Variants in SUSD4 observed in about 807,000 individuals in gnomAD.
The protein encoded by SUSD4 is sushi domain containing 4.
Under a neutral mutation model 50.5 loss-of-function variants are expected in SUSD4, and 41 were observed. The ratio of observed to expected loss-of-function variants is 0.81; its 90% CI spans 0.63 to 1.05. The LOEUF (loss-of-function observed/expected upper bound fraction) is 1.05. Ranked by LOEUF, SUSD4 falls within the 50% of genes least tolerant of loss-of-function variation. The pLI, the probability that SUSD4 is intolerant of heterozygous loss-of-function variation, is 0.00. For synonymous variants in SUSD4, 257 were observed against 257.3 expected, an observed-to-expected ratio of 1.00 and a Z score of 0.01; for missense variants, 580 against 634.7, an observed-to-expected ratio of 0.91 and a Z score of 0.93.
intron 5 of SUSD4, among the ~76,000 whole-genome samples, chr1:223,245,482 G>T (rs1660858218): frequency 6.6e-6 from 1 of 152,064 alleles, no homozygotes; most frequent in African/African-American, 2.4e-5. Flanking sequence ...GTGAAGAGAG[G>T]CCGATGGTGG....
Position 223,363,269 on chromosome 1 carries a change from G to T in SUSD4, c.148+9C>A. 1 of 1,578,010 alleles carries T rather than the reference G, an allele frequency of 6.3e-7. No homozygotes were observed. Among genetic ancestry groups the T allele is most frequent in the Non-Finnish European group, 8.6e-7 (1 of 1,159,866 alleles). On this transcript the variant is annotated intron_variant, in intron 2 of 8. Coordinates refer to ENST00000366878, the MANE Select transcript of SUSD4 (RefSeq NM_017982.4). ...CCCCAGGCCCTCCCACCACAGCTGGGTCACTCACCGCCCGTGAGCTGTGCA... is the reference window on the plus strand; with the variant it reads ...CCCCAGGCCCTCCCACCACAGCTGGTTCACTCACCGCCCGTGAGCTGTGCA...
At chr1:223,344,526 G>T (rs1303260239) in intron 2 of SUSD4, among the ~76,000 whole-genome samples, 3 of 152,092 alleles carry the variant, frequency 2.0e-5, no homozygotes, top group Non-Finnish European at 4.4e-5. Context: ...TTAATGCACT[G>T]AAGGAATTGC....
intron 5 of SUSD4, among the ~76,000 whole-genome samples, chr1:223,252,923 T>C (rs915474129): frequency 2.6e-5 from 4 of 151,818 alleles, no homozygotes; most frequent in African/African-American, 9.7e-5. Context: ...AAAAACCCCA[T>C]CTCTATTAAA....
At position 223,220,918 on chromosome 1, in the gene SUSD4, T is replaced by C; in HGVS notation, c.*1274A>G. The stretch of plus-strand genomic sequence containing the variant: ...CCTCACCACTCTATCAGCATAGCAA[T>C]TTTAAGGATCAGAGCTTTGTTTACA... On this transcript the variant is annotated 3_prime_UTR_variant, in exon 9 of 9. Transcript: ENST00000366878. 2.5e-6 allele frequency: 1 copy of C among 399,644 alleles called. No homozygotes were observed. The highest frequency in any genetic ancestry group is 4.4e-6 in the Non-Finnish European group (1 of 225,888). 24.8% of individuals were successfully genotyped at this position (399,644 alleles called of 1,614,324 possible).
chr1:223,281,188 A>T (rs1367477787), intron 3 of SUSD4, among the ~76,000 whole-genome samples: 1 of 152,230 alleles, frequency 6.6e-6, no homozygotes, highest in Non-Finnish European at 1.5e-5. Flanking sequence ...CTAGAGAAGC[A>T]AGAGCAAACA....
rs1659579809 is a variant in SUSD4 at position 223,227,277 on chromosome 1, C to A, written c.1061+317G>T. On this transcript the variant is annotated intron_variant, in intron 7 of 8. Transcript: ENST00000366878. The surrounding 1 kb of genome is among the most constrained non-coding windows in gnomAD (Gnocchi z 4.5). ...ACTCCAGGGCCACATGCAGGGGGAC[C>A]ACAGTGGGAATGGTGCCTCTGGGTG... Among the ~76,000 whole-genome samples, 1 of 152,160 alleles carries A rather than the reference C, an allele frequency of 6.6e-6. No individual in the cohort carries two copies. Among genetic ancestry groups the A allele is most frequent in the African/African-American group, 2.4e-5 (1 of 41,428 alleles).
At chr1:223,336,174 G>T (rs773270223) in intron 2 of SUSD4, among the ~76,000 whole-genome samples, 2 of 152,054 alleles carry the variant, frequency 1.3e-5, no homozygotes, top group African/African-American at 4.8e-5. Context: ...GGCTGGTCTC[G>T]AACTCCTGAC....
intron 3 of SUSD4, among the ~76,000 whole-genome samples, chr1:223,281,009 G>C (rs1663682485): frequency 6.6e-6 from 1 of 152,138 alleles, no homozygotes; most frequent in Non-Finnish European, 1.5e-5. Context: ...ACGAAATGAA[G>C]GCAGAAATAA....
At chr1:223,306,029 G>A (rs969852491) in intron 2 of SUSD4, among the ~76,000 whole-genome samples, 6 of 152,136 alleles carry the variant, frequency 3.9e-5, no homozygotes, top group Admixed American at 3.3e-4. Flanking sequence ...ACAAGTAAAC[G>A]TCACAAAAAT....
intron 2 of SUSD4, among the ~76,000 whole-genome samples, chr1:223,322,118 C>T (rs1026317557): frequency 1.4e-5 from 2 of 144,688 alleles, no homozygotes; most frequent in Non-Finnish European, 3.0e-5. Context: ...AGATGCTTAG[C>T]CTGTAATAAC....
Position 223,221,112 on chromosome 1 carries a change from G to A in SUSD4, c.*1080C>T. ...GTAGGAATGCAGGAATGATAGGCAG[G>A]TGAGGTGGCTGAGCTATCTGGGCTG... On this transcript the variant is annotated 3_prime_UTR_variant, in exon 9 of 9. Transcript: ENST00000366878. 1 of 400,868 alleles carries A rather than the reference G, an allele frequency of 2.5e-6. No individual in the cohort carries two copies. 24.8% of individuals were successfully genotyped at this position (400,868 alleles called of 1,614,324 possible).
chr1:223,356,082 T>C (rs1182068113), intron 2 of SUSD4, among the ~76,000 whole-genome samples: 1 of 152,132 alleles, frequency 6.6e-6, no homozygotes, highest in African/African-American at 2.4e-5. Flanking sequence ...TCTCTGATGT[T>C]CCCAGTTTAC....
At chr1:223,353,285 G>C (rs896494811) in intron 2 of SUSD4, among the ~76,000 whole-genome samples, 1 of 152,174 alleles carries the variant, frequency 6.6e-6, no homozygotes, top group Admixed American at 6.5e-5. Flanking sequence ...TTTACATGCT[G>C]TGCAGAGCAT....
chr1:223,346,209 C>G (rs1668025025), intron 2 of SUSD4, among the ~76,000 whole-genome samples: 1 of 152,172 alleles, frequency 6.6e-6, no homozygotes, highest in African/African-American at 2.4e-5. Context: ...CAAATGTCCC[C>G]TGGGGGACAA....
Position 223,231,099 on chromosome 1 carries a change from G to A in SUSD4, c.725-1711C>T, listed in dbSNP as rs1226425891. ...GGTCTCGTTGCTGGGGTCCCTAGTG[G>A]AAGGTGGAACCATGGAGGTCTATCC... On this transcript the variant is annotated intron_variant, in intron 5 of 8. Transcript: ENST00000366878. The surrounding 1 kb of genome is among the most constrained non-coding windows in gnomAD (Gnocchi z 4.2). Among the ~76,000 whole-genome samples, 2 of 152,188 alleles carry A rather than the reference G, an allele frequency of 1.3e-5. No homozygotes were observed. The highest frequency in any genetic ancestry group is 3.4e-3 in the Middle Eastern group (1 of 294).
chr1:223,296,166 T>C (rs1250460384), intron 2 of SUSD4, among the ~76,000 whole-genome samples: 1 of 151,620 alleles, frequency 6.6e-6, no homozygotes, highest in African/African-American at 2.4e-5. Context: ...TCCAGGTGAG[T>C]CAGAAACAAG....
chr1:223,279,632 G>A (rs1219082917), intron 3 of SUSD4, among the ~76,000 whole-genome samples: 1 of 152,300 alleles, frequency 6.6e-6, no homozygotes. Context: ...TGAAAGTGAT[G>A]GGGAGAATGG....
At chr1:223,300,064 T>C (rs1361659610) in intron 2 of SUSD4, among the ~76,000 whole-genome samples, 1 of 152,184 alleles carries the variant, frequency 6.6e-6, no homozygotes, top group Non-Finnish European at 1.5e-5. Context: ...ATGCTCTTTC[T>C]CTCTGGATCC....
chr1:223,259,858 C>T (rs1422037764), intron 5 of SUSD4, among the ~76,000 whole-genome samples: 1 of 152,122 alleles, frequency 6.6e-6, no homozygotes, highest in African/African-American at 2.4e-5. Flanking sequence ...ACCCTTCAAA[C>T]CACTGTGCTG....
Sources: gnomAD v4.1 joint callset for allele counts (sites outside exome capture counted in the v4.1 genomes callset) on GRCh38, gnomAD v4.1.1 for gene constraint, Gnocchi (gnomAD v3.1) non-coding constraint, MANE v1.5 for transcripts, NCBI Gene and HGNC (gene_info 2026-07-23, HGNC 2026-07-21) for gene names.